The following SETD2 variants were observed in gnomAD, a reference collection of about 807,000 sequenced individuals.
SETD2 encodes SET domain containing 2, histone lysine methyltransferase.
SETD2 carries 31 observed loss-of-function variants against 242.1 expected under a neutral mutation model. The observed-to-expected ratio is 0.13, with a 90% confidence interval of 0.10 to 0.17. The LOEUF (loss-of-function observed/expected upper bound fraction) is 0.17, where lower values mean the gene tolerates loss of function less well. Ranked by LOEUF, SETD2 falls within the 10% of genes least tolerant of loss-of-function variation. The pLI, the probability that SETD2 is intolerant of heterozygous loss-of-function variation, is 1.00. For synonymous variants in SETD2, 1,006 were observed against 1,066.5 expected (o/e 0.94, Z 1.11); for missense variants, 2,481 against 3,046.3 (o/e 0.81, Z 4.37).
chr3:47,042,704 C>T lies in SETD2; in HGVS notation c.7099-4G>A. The T allele has an allele frequency of 1.3e-6, 2 of 1,592,074 alleles. No individual in the cohort carries two copies. The highest frequency in any genetic ancestry group is 1.7e-6 in the Non-Finnish European group (2 of 1,170,544). On this transcript the variant is annotated splice_region_variant and splice_polypyrimidine_tract_variant and intron_variant, in intron 16 of 20. Coordinates refer to ENST00000409792, the MANE Select transcript of SETD2 (RefSeq NM_014159.7). ...TATTTGTCACAACCATTTCAGACTA[C>T]AAAGAAAACACACACATTTTTGATC...
chr3:47,160,484 A>AT (rs1697458739), intron 1 of SETD2, among the ~76,000 whole-genome samples: 3 of 137,912 alleles, frequency 2.2e-5, no homozygotes, highest in Non-Finnish European at 4.6e-5. Context: ...TTTTTTTTGT[A>AT]TTTTTAGTAG....
At chr3:47,057,761 C>G (rs902955153) in intron 14 of SETD2, among the ~76,000 whole-genome samples, 2 of 152,110 alleles carry the variant, frequency 1.3e-5, no homozygotes, top group African/African-American at 4.8e-5. Flanking sequence ...GATACAGCAT[C>G]CTATTCTTTA....
intron 8 of SETD2, among the ~76,000 whole-genome samples, chr3:47,098,780 A>G (rs1437242410): frequency 6.6e-6 from 1 of 152,160 alleles, no homozygotes; most frequent in African/African-American, 2.4e-5. Context: ...TGGGTGACAG[A>G]GTAAGACTCT....
At chr3:47,034,330 C>T (rs992932516) in intron 18 of SETD2, among the ~76,000 whole-genome samples, 6 of 152,072 alleles carry the variant, frequency 3.9e-5, no homozygotes, top group Admixed American at 3.3e-4. Context: ...TATAATCTCC[C>T]GTTCCCTTTC....
intron 9 of SETD2, among the ~76,000 whole-genome samples, chr3:47,094,088 ACTC>A (rs2041912914): frequency 6.7e-6 from 1 of 148,194 alleles, no homozygotes; most frequent in Non-Finnish European, 1.5e-5. Context: ...ATTTCTTCTC[ACTC>A]AGGTGGGTTT....
rs2038033061 is a variant in SETD2 at position 47,017,505 on chromosome 3, C to T, written c.7533+133G>A. The T allele has an allele frequency of 1.3e-6, 1 of 755,932 alleles. No individual in the cohort carries two copies. Among genetic ancestry groups the T allele is most frequent in the Non-Finnish European group, 2.2e-6 (1 of 456,254 alleles). The allele number at this position is 755,932 out of a possible 1,614,324, so 46.8% of individuals were successfully genotyped here. On this transcript the variant is annotated intron_variant, in intron 20 of 20. Transcript: ENST00000409792. The surrounding 1 kb of genome is among the most constrained non-coding windows in gnomAD (Gnocchi z 4.8). ...GCATCCCTCCCCAAACCTTCCCTCC[C>T]CGTTCCTGGGTCCCCAGCTCTGACA... is the stretch of plus-strand genomic sequence containing the variant.
chr3:47,057,168 C>A lies in SETD2; in HGVS notation c.6616G>T (p.Ala2206Ser). Residue 2206 changes from alanine to serine, a missense_variant, in exon 15 of 21, where the codon GCT (alanine) becomes TCT (serine). Coordinates refer to ENST00000409792, the MANE Select transcript of SETD2 (RefSeq NM_014159.7). ...GTAGAATGTCCCACCAAGGGCTGAGCATGATCATAAGGAGCAGGAGAACAC... is the reference window on the plus strand; with the variant it reads ...GTAGAATGTCCCACCAAGGGCTGAGAATGATCATAAGGAGCAGGAGAACAC... ...PVCSPAPYDH[A>S]QPLVGHSTEP... 1 of 1,614,112 alleles carries A rather than the reference C, an allele frequency of 6.2e-7. No individual in the cohort carries two copies.
At chr3:47,158,822 CAATT>C (rs1026230195) in intron 1 of SETD2, among the ~76,000 whole-genome samples, 1 of 152,146 alleles carries the variant, frequency 6.6e-6, no homozygotes, top group Non-Finnish European at 1.5e-5. Flanking sequence ...ACACAAATCA[CAATT>C]AATACTACTG....
chr3:47,138,572 C>T (rs1258937903), intron 1 of SETD2, among the ~76,000 whole-genome samples: 4 of 152,138 alleles, frequency 2.6e-5, no homozygotes, highest in Non-Finnish European at 5.9e-5. Context: ...CAGGCATGTA[C>T]CATCAAGCCT....
In SETD2 at chr3:47,116,709, C is replaced by A. The variant is rs1305683949; in HGVS notation, c.4500G>T (p.Glu1500Asp). 6.2e-7 allele frequency: 1 copy of A among 1,608,710 alleles called. No individual in the cohort carries two copies. Among genetic ancestry groups the A allele is most frequent in the Non-Finnish European group, 8.5e-7 (1 of 1,175,418 alleles). Residue 1500 changes from glutamate to aspartate, a missense_variant, in exon 4 of 21, where the codon GAG becomes GAT. By Grantham distance (45) the Glu-to-Asp change is conservative (BLOSUM62 2). This residue lies in a region of SETD2 where 48 missense variants were observed against 76.6 expected (regional missense o/e 0.63). Coordinates refer to ENST00000409792, the MANE Select transcript of SETD2 (RefSeq NM_014159.7). ...TTTCATCTTTAGAAAGAGGTGTACA[C>A]TCACACTGCATTCGCTTAATATCTC... The part of the protein sequence containing the change: ...SHRDIKRMQC[E>D]CTPLSKDERA...
intron 15 of SETD2, among the ~76,000 whole-genome samples, chr3:47,052,307 G>C (rs2039881732): frequency 6.6e-6 from 1 of 152,032 alleles, no homozygotes; most frequent in Non-Finnish European, 1.5e-5. Flanking sequence ...AAATAGCTGG[G>C]ACCACAGGCA....
intron 12 of SETD2, 109 bp from the exon 13 acceptor site, chr3:47,067,227 G>T (rs2040595341): frequency 6.2e-6 from 5 of 806,848 alleles, no homozygotes; most frequent in Non-Finnish European, 1.0e-5. Flanking sequence ...TAACAAGCTG[G>T]TACTTATTCT....
intron 4 of SETD2, among the ~76,000 whole-genome samples, chr3:47,114,230 C>G (rs1379947039): frequency 6.6e-6 from 1 of 152,172 alleles, no homozygotes; most frequent in Non-Finnish European, 1.5e-5. Context: ...ACAATACAGC[C>G]TTGATATCTG....
At chr3:47,155,660 G>T (rs528810609) in intron 1 of SETD2, among the ~76,000 whole-genome samples, 1 of 152,188 alleles carries the variant, frequency 6.6e-6, no homozygotes, top group South Asian at 2.1e-4. Flanking sequence ...ACAAAAATTA[G>T]CCGGGTGTGG....
At chr3:47,128,856 T>C (rs1417608059) in intron 1 of SETD2, among the ~76,000 whole-genome samples, 2 of 152,228 alleles carry the variant, frequency 1.3e-5, no homozygotes. Context: ...ACCTATGGTA[T>C]ATTCAATTTG....
rs563150022 is a variant in SETD2 at position 47,123,210 on chromosome 3, G to A, written c.1426C>T (p.His476Tyr). The part of the protein sequence containing the change: ...KKTYSRRTSS[H>Y]SSSYRDLRTS... ...CTTAGGTCTCTGTAAGAAGAGGAATGAGATGAGGTACGCCTTGAGTATGTC... is the reference window on the plus strand; with the variant it reads ...CTTAGGTCTCTGTAAGAAGAGGAATAAGATGAGGTACGCCTTGAGTATGTC... The change falls in exon 3 of 21, where the codon CAT becomes TAT. Residue 476 changes from histidine to tyrosine, a missense_variant. Around this residue, in one of 17 missense-constraint regions of SETD2, gnomAD observed 1,300 missense variants for 1,259.2 expected, o/e 1.03. Coordinates refer to ENST00000409792, the MANE Select transcript of SETD2 (RefSeq NM_014159.7). 1 of 1,578,650 alleles carries A rather than the reference G, an allele frequency of 6.3e-7. No individual in the cohort carries two copies. Among genetic ancestry groups the A allele is most frequent in the Non-Finnish European group, 8.6e-7 (1 of 1,159,916 alleles).
chr3:47,039,692 C>A (rs1337700828), intron 17 of SETD2, among the ~76,000 whole-genome samples: 1 of 126,542 alleles, frequency 7.9e-6, no homozygotes, highest in Non-Finnish European at 1.7e-5. Flanking sequence ...ACGGTTAAAC[C>A]CTGTCTCTAC....
At chr3:47,138,278 CT>C (rs746392835) in intron 1 of SETD2, 851 of 274,676 alleles carry the variant, frequency 3.1e-3, no homozygotes, top group Middle Eastern at 6.0e-3. Flanking sequence ...GGCCCACTTT[CT>C]TTTTTTTTGA....
At chr3:47,147,936 A>AG (rs2043898599) in intron 1 of SETD2, among the ~76,000 whole-genome samples, 1 of 151,518 alleles carries the variant, frequency 6.6e-6, no homozygotes, top group Non-Finnish European at 1.5e-5. Context: ...AAAAAAAAAA[A>AG]AAAGATATTT....
Sources: allele counts gnomAD v4.1 joint callset (sites outside exome capture counted in the v4.1 genomes callset), GRCh38; gene constraint gnomAD v4.1.1; regional missense constraint gnomAD v4.1.1; non-coding constraint Gnocchi (gnomAD v3.1); transcripts MANE v1.5; gene names NCBI Gene and HGNC (gene_info 2026-07-23, HGNC 2026-07-21).